LAT2: variants seen among roughly 807,000 people sequenced by gnomAD.
LAT2 encodes the protein linker for activation of T cells family member 2, also known as linker for activation of T-cells family member 2.
LAT2 carries 23 observed loss-of-function variants against 43.4 expected under a neutral mutation model. The observed-to-expected ratio is 0.53, with a 90% CI of 0.38 to 0.75. LAT2 has a LOEUF of 0.75. Among genes scored for constraint, LAT2 ranks in the 30% least tolerant of loss-of-function variants. The pLI, the probability that LAT2 is intolerant of heterozygous loss-of-function variation, is 0.00. For missense variants in LAT2, 284 were observed against 310.2 expected (o/e 0.92, Z 0.64); for synonymous variants, 128 against 123.2 (o/e 1.04, Z -0.26).
At chr7:74,215,482 A>G (rs1802003669) in intron 2 of LAT2, among the ~76,000 whole-genome samples, 1 of 152,120 alleles carries the variant, frequency 6.6e-6, no homozygotes, top group Non-Finnish European at 1.5e-5. Flanking sequence ...TCCAGGAGCC[A>G]GGGTGGGTTT....
intron 1 of LAT2, among the ~76,000 whole-genome samples, chr7:74,213,719 T>A (rs1160251800): frequency 6.6e-6 from 1 of 152,056 alleles, no homozygotes; most frequent in Non-Finnish European, 1.5e-5. Flanking sequence ...CACCACGCCC[T>A]GCTGGAGCTC....
intron 4 of LAT2, among the ~76,000 whole-genome samples, chr7:74,219,254 T>C (rs917130246): frequency 1.3e-5 from 2 of 152,056 alleles, no homozygotes; most frequent in Non-Finnish European, 2.9e-5. Flanking sequence ...TTTTAAGGAA[T>C]TGCAAACGCT....
chr7:74,221,658 T>G lies in LAT2; in HGVS notation c.354T>G (p.Tyr118Ter). ...CCAGAGACCCCATTGCCATGGAGTATTACAACTGGGGGCGGTTCTCGAAGC... is the reference window on the plus strand; with the variant it reads ...CCAGAGACCCCATTGCCATGGAGTAGTACAACTGGGGGCGGTTCTCGAAGC... Reference protein sequence around the residue: ...EAYIDPIAMEYYNWGRFSKPP... With the variant: ...EAYIDPIAME Residue 118 changes from tyrosine (Y) to a stop codon, truncating the protein, a stop_gained, in exon 10 of 14, where the codon TAT (tyrosine) becomes TAG (stop). Transcript: ENST00000460943. LOFTEE classifies it high-confidence loss of function. 6.2e-7 allele frequency: 1 copy of G among 1,613,314 alleles called. No individual in the cohort carries two copies. The highest frequency in any genetic ancestry group is 1.3e-5 in the African/African-American group (1 of 74,972).
At chr7:74,224,976 G>A in intron 13 of LAT2, 1 of 424,686 alleles carries the variant, frequency 2.4e-6, no homozygotes, top group Non-Finnish European at 4.3e-6. Flanking sequence ...TGACTTCAGG[G>A]GCAAAGAAGT....
In LAT2 at chr7:74,229,306, G is replaced by C. The variant is rs941144134; in HGVS notation, c.*381G>C. ...CTGTGTTCTTTTGTGCTATGAATTTGGATTCCTAATTGCTATTGTTGGTTG... is the reference window on the plus strand; with the variant it reads ...CTGTGTTCTTTTGTGCTATGAATTTCGATTCCTAATTGCTATTGTTGGTTG... On this transcript the variant is annotated 3_prime_UTR_variant, in exon 14 of 14. Coordinates refer to ENST00000460943, the MANE Select transcript of LAT2 (RefSeq NM_032464.3). The C allele has an allele frequency of 6.6e-6, 1 of 152,542 alleles. No individual in the cohort carries two copies. The highest frequency in any genetic ancestry group is 2.1e-4 in the South Asian group (1 of 4,828). 9.4% of individuals were successfully genotyped at this position (152,542 alleles called of 1,614,324 possible).
chr7:74,210,384 G>T (rs1554712955), intron 1 of LAT2, among the ~76,000 whole-genome samples: 1 of 152,180 alleles, frequency 6.6e-6, no homozygotes, highest in African/African-American at 2.4e-5. Flanking sequence ...CAAAACAGTG[G>T]CTGCCCTGGC....
At chr7:74,221,959 G>A (rs868925655) in intron 10 of LAT2, among the ~76,000 whole-genome samples, 3 of 151,944 alleles carry the variant, frequency 2.0e-5, no homozygotes, top group African/African-American at 7.3e-5. Flanking sequence ...TTGGGGAGGT[G>A]GGGGGAGGCC....
chr7:74,223,825 C>G, intron 11 of LAT2, 42 bp downstream of exon 11: 14 of 1,596,636 alleles, frequency 8.8e-6, no homozygotes, highest in Non-Finnish European at 1.2e-5. Flanking sequence ...CTGGGAGCAG[C>G]AGGCCTCCTT....
intron 4 of LAT2, among the ~76,000 whole-genome samples, chr7:74,217,340 AG>A (rs1554714431): frequency 6.6e-6 from 1 of 152,134 alleles, no homozygotes; most frequent in Non-Finnish European, 1.5e-5. Context: ...CTGAGGCAGC[AG>A]GATCACTTGA....
At chr7:74,226,117 C>T (rs1365407301) in intron 13 of LAT2, 1 of 151,162 alleles carries the variant, frequency 6.6e-6, no homozygotes, top group East Asian at 1.9e-4. Flanking sequence ...GGCAACATAG[C>T]AAGACCTCTC....
chr7:74,226,033 T>C (rs991717657), intron 13 of LAT2: 1 of 152,204 alleles, frequency 6.6e-6, no homozygotes, highest in East Asian at 1.9e-4. Flanking sequence ...ACAGCGGTCA[T>C]GCCTATAAAT....
At chr7:74,219,413 C>G (rs1198508515) in intron 4 of LAT2, among the ~76,000 whole-genome samples, 1 of 152,184 alleles carries the variant, frequency 6.6e-6, no homozygotes, top group Non-Finnish European at 1.5e-5. Flanking sequence ...TGTCCACAGA[C>G]CCCTCCTGAC....
At chr7:74,227,893 A>G (rs1023772740) in intron 13 of LAT2, among the ~76,000 whole-genome samples, 2 of 151,692 alleles carry the variant, frequency 1.3e-5, no homozygotes, top group African/African-American at 4.8e-5. Context: ...CAAAAAGAAG[A>G]GGCCAGGCGC....
chr7:74,219,812 T>C, intron 5 of LAT2, 25 bp downstream of exon 5: 1 of 1,613,072 alleles, frequency 6.2e-7, no homozygotes, highest in Non-Finnish European at 8.5e-7. Flanking sequence ...GTCCCCGGGT[T>C]GGGCTCTGGG....
chr7:74,214,750 T>TAA (rs1247169551), intron 1 of LAT2, 72 bp from the exon 2 acceptor site: 2 of 76,828 alleles, frequency 2.6e-5, no homozygotes, highest in African/African-American at 1.3e-4. Context: ...AATATATAAA[T>TAA]ATATATATAT....
chr7:74,217,757 C>T (rs1802095412), intron 4 of LAT2, among the ~76,000 whole-genome samples: 1 of 152,176 alleles, frequency 6.6e-6, no homozygotes, highest in Non-Finnish European at 1.5e-5. Flanking sequence ...CCACAGGTGT[C>T]CTTTGATTAA....
rs1335757894 is a variant in LAT2 at position 74,229,276 on chromosome 7, G to A, written c.*351G>A. 1 of 152,526 alleles carries A rather than the reference G, an allele frequency of 6.6e-6. No individual in the cohort carries two copies. The highest frequency in any genetic ancestry group is 2.4e-5 in the African/African-American group (1 of 41,426). 9.4% of individuals were successfully genotyped at this position (152,526 alleles called of 1,614,324 possible). On this transcript the variant is annotated 3_prime_UTR_variant, in exon 14 of 14. Transcript: ENST00000460943. ...CATAACAAAACCACTGTCCAACACT[G>A]GTATCTGTGTTCTTTTGTGCTATGA... is the stretch of plus-strand genomic sequence containing the variant.
rs202024396 is a variant in LAT2, at chr7:74,222,606, GCT to G, written c.388+917_388+918del. Among the ~76,000 whole-genome samples, 1,095 of 151,342 alleles carry G rather than the reference GCT, an allele frequency of 7.2e-3. 6 individuals carry two copies. Among genetic ancestry groups the G allele is most frequent in the African/African-American group, 0.025 (1,019 of 41,226 alleles). On this transcript the variant is annotated intron_variant, in intron 10 of 13. Coordinates refer to ENST00000460943, the MANE Select transcript of LAT2 (RefSeq NM_032464.3). Reference sequence around the variant, plus strand: ...CATTTTTTTTTTGAGACACAGCCTTGCTCTGTCACCCAGGTTGAGTACAATGT... The same window carrying G: ...CATTTTTTTTTTGAGACACAGCCTTGCTGTCACCCAGGTTGAGTACAATGT...
chr7:74,215,863 T>A, intron 2 of LAT2, 84 bp from the exon 3 acceptor site: 2 of 920,478 alleles, frequency 2.2e-6, no homozygotes, highest in Non-Finnish European at 3.6e-6. Flanking sequence ...TAGGCTCAGG[T>A]ATGGGGCTGT....
Sources: gnomAD v4.1 joint callset for allele counts (sites outside exome capture counted in the v4.1 genomes callset) on GRCh38, gnomAD v4.1.1 for gene constraint, MANE v1.5 for transcripts, NCBI Gene and HGNC (gene_info 2026-07-23, HGNC 2026-07-21) for gene names.